The following RALYL variants were observed in gnomAD, a reference collection of about 807,000 sequenced individuals.
The protein encoded by RALYL is RNA-binding Raly-like protein.
A neutral mutation model predicts 35.1 loss-of-function variants in RALYL; 29 were observed. The observed-to-expected ratio is 0.83, with a 90% confidence interval of 0.61 to 1.13. The LOEUF (loss-of-function observed/expected upper bound fraction) is 1.13, where lower values mean the gene tolerates loss of function less well. Ranked by LOEUF, RALYL falls within the 50% of genes most tolerant of loss-of-function variation. The pLI is 0.00. For missense variants in RALYL, 359 were observed against 360.4 expected, an observed-to-expected ratio of 1.00 and a Z score of 0.03; for synonymous variants, 120 against 127.6, an observed-to-expected ratio of 0.94 and a Z score of 0.40.
chr8:84,402,703 A>G (rs2043036511), intron 1 of RALYL, among the ~76,000 whole-genome samples: 1 of 152,176 alleles, frequency 6.6e-6, no homozygotes, highest in Admixed American at 6.5e-5. Context: ...CCTTACCTCT[A>G]GAAATTACAT....
chr8:84,615,600 T>A (rs900674270), intron 2 of RALYL, among the ~76,000 whole-genome samples: 46 of 128,924 alleles, frequency 3.6e-4, no homozygotes, highest in Admixed American at 2.0e-3. Flanking sequence ...TTTTTTTTTT[T>A]ACTTATTATT....
At chr8:84,203,435 G>A (rs1817374162) in intron 1 of RALYL, among the ~76,000 whole-genome samples, 1 of 152,044 alleles carries the variant, frequency 6.6e-6, no homozygotes, top group Admixed American at 6.5e-5. Flanking sequence ...TAAGTGGGGT[G>A]TTCTCCCATC....
intron 1 of RALYL, among the ~76,000 whole-genome samples, chr8:84,208,250 A>G (rs1818555867): frequency 6.6e-6 from 1 of 152,184 alleles, no homozygotes; most frequent in South Asian, 2.1e-4. Context: ...GCACAGAAAC[A>G]AAAATTTTAG....
In RALYL at chr8:84,577,863, T is replaced by C. The variant is rs374794010; in HGVS notation, c.256+48286T>C. On this transcript the variant is annotated intron_variant, in intron 2 of 8. Transcript: ENST00000521268. ...ATCCTAAGCCAATCAAGATTTTGAA[T>C]AGTCTAACAAAACATAGTAAATAGA... is the stretch of plus-strand genomic sequence containing the variant. 3.9e-5 allele frequency among the ~76,000 whole-genome samples: 6 copies of C among 152,340 alleles called. No individual in the cohort carries two copies. The East Asian group carries it at 9.6e-4, about 24-fold the overall frequency.
intron 5 of RALYL, among the ~76,000 whole-genome samples, chr8:84,854,473 A>G (rs1332106540): frequency 6.6e-6 from 1 of 152,196 alleles, no homozygotes. Flanking sequence ...TTCTTCCATT[A>G]TAGCTGATTT....
At chr8:84,534,883 GC>G (rs2059497073) in intron 2 of RALYL, among the ~76,000 whole-genome samples, 1 of 152,102 alleles carries the variant, frequency 6.6e-6, no homozygotes, top group Admixed American at 6.5e-5. Flanking sequence ...TGTTTCGTAG[GC>G]CTGATTTCAG....
chr8:84,522,357 C>G (rs1225084483), intron 1 of RALYL, among the ~76,000 whole-genome samples: 1 of 149,172 alleles, frequency 6.7e-6, no homozygotes, highest in Non-Finnish European at 1.5e-5. Context: ...TCACGTCATT[C>G]TCCTGCCTCA....
At chr8:84,785,707 T>C (rs189331684) in intron 3 of RALYL, among the ~76,000 whole-genome samples, 32 of 152,322 alleles carry the variant, frequency 2.1e-4, no homozygotes, top group Non-Finnish European at 4.4e-4. Flanking sequence ...AATTTATTTA[T>C]AATAGTGAGT....
chr8:84,715,883 G>T (rs1433245301), intron 2 of RALYL, among the ~76,000 whole-genome samples: 1 of 152,026 alleles, frequency 6.6e-6, no homozygotes, highest in Non-Finnish European at 1.5e-5. Flanking sequence ...TTGACTCAAA[G>T]TATTAATGGT....
chr8:84,513,098 G>A (rs898766286), intron 1 of RALYL, among the ~76,000 whole-genome samples: 14 of 152,224 alleles, frequency 9.2e-5, no homozygotes, highest in Non-Finnish European at 1.3e-4. Flanking sequence ...TGTAACTGTA[G>A]ATTGCTTTGG....
At chr8:84,389,484 G>A (rs1465534873) in intron 1 of RALYL, among the ~76,000 whole-genome samples, 1 of 151,690 alleles carries the variant, frequency 6.6e-6, no homozygotes, top group East Asian at 1.9e-4. Context: ...AGCATGGAAT[G>A]TTCTTCCATT....
chr8:84,754,776 T>A (rs1302347267), intron 2 of RALYL, among the ~76,000 whole-genome samples: 1 of 152,168 alleles, frequency 6.6e-6, no homozygotes, highest in Non-Finnish European at 1.5e-5. Flanking sequence ...TACTGATAGA[T>A]GCCACCATGC....
At chr8:84,196,292 A>C (rs1345616100) in intron 1 of RALYL, among the ~76,000 whole-genome samples, 1 of 152,202 alleles carries the variant, frequency 6.6e-6, no homozygotes, top group East Asian at 1.9e-4. Context: ...GAGGGGAGAA[A>C]GGAAATGGAA....
chr8:84,775,640 C>T (rs564709570), intron 3 of RALYL, among the ~76,000 whole-genome samples: 12 of 152,288 alleles, frequency 7.9e-5, no homozygotes, highest in African/African-American at 2.4e-4. Flanking sequence ...TTCCCCTCTA[C>T]GTGCCCCAAT....
chr8:84,832,550 C>A (rs757276010), intron 4 of RALYL, among the ~76,000 whole-genome samples: 2 of 151,910 alleles, frequency 1.3e-5, no homozygotes, highest in Non-Finnish European at 2.9e-5. Context: ...TTTTTGACTT[C>A]GCATCAGTTT....
intron 2 of RALYL, among the ~76,000 whole-genome samples, chr8:84,667,551 T>A (rs1832332449): frequency 6.6e-6 from 1 of 152,152 alleles, no homozygotes. Context: ...GAGTTGGTAC[T>A]TGAATATCAG....
intron 1 of RALYL, among the ~76,000 whole-genome samples, chr8:84,440,399 G>C (rs185437629): frequency 6.6e-6 from 1 of 152,026 alleles, no homozygotes; most frequent in African/African-American, 2.4e-5. Context: ...AACTTCAGTG[G>C]CTTCTGCAAA....
intron 1 of RALYL, among the ~76,000 whole-genome samples, chr8:84,315,035 G>A (rs189110213): frequency 1.4e-3 from 211 of 152,216 alleles, no homozygotes; most frequent in African/African-American, 4.6e-3. Context: ...ATTACCATGC[G>A]CATCTGAAAA....
chr8:84,505,705 A>G (rs1405251434), intron 1 of RALYL, among the ~76,000 whole-genome samples: 1 of 151,760 alleles, frequency 6.6e-6, no homozygotes, highest in Admixed American at 6.6e-5. Context: ...ATGATTTAAT[A>G]TTAAATGGAA....
Sources: gnomAD v4.1 joint callset for allele counts (sites outside exome capture counted in the v4.1 genomes callset) on GRCh38, gnomAD v4.1.1 for gene constraint, MANE v1.5 for transcripts, NCBI Gene and HGNC (gene_info 2026-07-23, HGNC 2026-07-21) for gene names.